Variants in DPEP1 observed in about 807,000 individuals in gnomAD.
DPEP1 encodes the protein beta-lactamase.
A neutral mutation model predicts 42.3 loss-of-function variants in DPEP1; 50 were observed. The ratio of observed to expected loss-of-function variants is 1.18; its 90% CI spans 0.94 to 1.50. The LOEUF (loss-of-function observed/expected upper bound fraction) is 1.50. DPEP1 is among the 40% of genes most tolerant of loss of function. DPEP1 has a pLI of 0.00. For synonymous variants in DPEP1, 297 were observed against 234.0 expected (o/e 1.27, Z -2.46); for missense variants, 663 against 553.0 (o/e 1.20, Z -1.99).
chr16:89,638,381 C>T lies in DPEP1; in HGVS notation c.*159C>T. 1 of 1,411,626 alleles carries T rather than the reference C, an allele frequency of 7.1e-7. No individual in the cohort carries two copies. The highest frequency in any genetic ancestry group is 1.6e-5 in the South Asian group (1 of 61,304). 87.4% of individuals were successfully genotyped at this position (1,411,626 alleles called of 1,614,324 possible). ...ACCTGGGGGGCAGGATGCCTGGGGA[C>T]AGTTCAGGACACACACACAGTAGGC... On this transcript the variant is annotated 3_prime_UTR_variant, in exon 11 of 11. Transcript: ENST00000690203.
chr16:89,634,086 T>G lies in DPEP1; in HGVS notation c.105-1822T>G, dbSNP rs560460096. ...ATTTCTATTTTTCTTTTCTCTTCTC[T>G]TCTTCTTTTTTTTTTTTTTTTGGAG... On this transcript the variant is annotated intron_variant, in intron 2 of 10. Transcript: ENST00000690203. Among the ~76,000 whole-genome samples, 686 of 106,562 alleles carry G rather than the reference T, an allele frequency of 6.4e-3. 8 individuals carry two copies. Among genetic ancestry groups the G allele is most frequent in the African/African-American group, 0.026 (667 of 25,680 alleles). The allele number at this position is 106,562 out of a possible 152,430, so 69.9% of individuals were successfully genotyped here. A position where few individuals can be genotyped will look rare whatever the true frequency, so the allele number is the denominator to read the frequency against.
chr16:89,636,154 C>T, intron 3 of DPEP1, 110 bp from the exon 4 acceptor site: 2 of 1,547,372 alleles, frequency 1.3e-6, no homozygotes, highest in Non-Finnish European at 1.7e-6. Flanking sequence ...CCTCGGTGCC[C>T]AGGCCGAGGG....
intron 1 of DPEP1, among the ~76,000 whole-genome samples, chr16:89,621,194 G>A (rs1794596451): frequency 6.6e-6 from 1 of 152,014 alleles, no homozygotes; most frequent in South Asian, 2.1e-4. Flanking sequence ...GGAGCCTGTT[G>A]GGAAGTCCCT....
intron 1 of DPEP1, among the ~76,000 whole-genome samples, chr16:89,614,194 G>A (rs1426194670): frequency 1.3e-5 from 2 of 152,064 alleles, no homozygotes; most frequent in African/African-American, 4.8e-5. Flanking sequence ...GGCCCTCCCC[G>A]TGGTCCCTAG....
At chr16:89,633,988 A>G (rs1010975594) in intron 2 of DPEP1, among the ~76,000 whole-genome samples, 2 of 151,868 alleles carry the variant, frequency 1.3e-5, no homozygotes, top group Non-Finnish European at 2.9e-5. Flanking sequence ...GCCCCTTCCC[A>G]TCCTCCTCAC....
At chr16:89,640,036 C>T (rs2059732254), downstream of DPEP1, among the ~76,000 whole-genome samples, 2 of 152,184 alleles carry the variant, frequency 1.3e-5, no homozygotes, top group South Asian at 2.1e-4. Flanking sequence ...GGCTCCCTCC[C>T]ACTGTGGGCA....
chr16:89,618,118 A>C (rs2059400362), intron 1 of DPEP1, among the ~76,000 whole-genome samples: 1 of 152,214 alleles, frequency 6.6e-6, no homozygotes, highest in Non-Finnish European at 1.5e-5. Flanking sequence ...ATTTATCTTC[A>C]TATTGTGTAA....
chr16:89,615,219 G>T (rs1027780504), intron 1 of DPEP1, among the ~76,000 whole-genome samples: 2 of 152,234 alleles, frequency 1.3e-5, no homozygotes, highest in African/African-American at 4.8e-5. Flanking sequence ...CCTGCTTGCA[G>T]CTTCAGGGGG....
At chr16:89,618,750 T>TC (rs2059406763) in intron 1 of DPEP1, among the ~76,000 whole-genome samples, 1 of 152,036 alleles carries the variant, frequency 6.6e-6, no homozygotes. Flanking sequence ...GCTGCACTGT[T>TC]CCCCGGGCAA....
chr16:89,628,247 C>CTTTT (rs1334855414), intron 1 of DPEP1, among the ~76,000 whole-genome samples: 1 of 84,572 alleles, frequency 1.2e-5, no homozygotes, highest in African/African-American at 5.6e-5. Context: ...TTCTTTCTTT[C>CTTTT]TTTTCTTTCT....
intron 1 of DPEP1, among the ~76,000 whole-genome samples, chr16:89,621,781 C>G (rs1388189337): frequency 2.6e-5 from 4 of 152,198 alleles, no homozygotes; most frequent in Non-Finnish European, 4.4e-5. Context: ...GTGGGAAAGT[C>G]TGCACATGTC....
intron 1 of DPEP1, among the ~76,000 whole-genome samples, chr16:89,615,196 G>A (rs1273412756): frequency 6.6e-6 from 1 of 152,218 alleles, no homozygotes; most frequent in Non-Finnish European, 1.5e-5. Flanking sequence ...CAGACGGGGA[G>A]GGTCCCTCAG....
intron 1 of DPEP1, among the ~76,000 whole-genome samples, chr16:89,627,959 T>G (rs1287963858): frequency 6.8e-6 from 1 of 147,814 alleles, no homozygotes; most frequent in Admixed American, 6.7e-5. Context: ...GTCTCGCTCT[T>G]TCGCCCAGGC....
At position 89,635,960 on chromosome 16, in the gene DPEP1, G is replaced by A. The variant is rs1321948860; in HGVS notation, c.157G>A (p.Asp53Asn). The change falls in exon 3 of 11, where the codon GAC (aspartate) becomes AAC (asparagine). Residue 53 changes from aspartate to asparagine, a missense_variant. Coordinates refer to ENST00000690203, the MANE Select transcript of DPEP1 (RefSeq NM_001389466.1). The stretch of plus-strand genomic sequence containing the variant: ...GGATATGTTCAACAACCGGCTGCAG[G>A]ACGAGAGGGCCAACCTGACCACCTT... ...LLDMFNNRLQDERANLTTLAG... is the reference protein window; with the variant it reads ...LLDMFNNRLQNERANLTTLAG... The A allele has an allele frequency of 6.2e-7, 1 of 1,612,206 alleles. No homozygotes were observed. The highest frequency in any genetic ancestry group is 8.5e-7 in the Non-Finnish European group (1 of 1,179,706).
At chr16:89,638,692 G>GCACACACACA (rs56372832), downstream of DPEP1, among the ~76,000 whole-genome samples, 1 of 71,710 alleles carries the variant, frequency 1.4e-5, no homozygotes, top group Non-Finnish European at 2.7e-5. Flanking sequence ...CCCCACCCCT[G>GCACACACACA]CACACACACA....
At chr16:89,638,501 G>A (rs143582902), downstream of DPEP1, 227 of 1,257,774 alleles carry the variant, frequency 1.8e-4, no homozygotes, top group Admixed American at 8.6e-4. Flanking sequence ...GCTCCTGGTT[G>A]GACGTGGGGC....
chr16:89,618,934 CT>C lies in DPEP1; in HGVS notation c.-107+5216del, dbSNP rs2059410107. 5.4e-4 allele frequency among the ~76,000 whole-genome samples: 64 copies of C among 118,176 alleles called. 5 individuals are homozygous for C. Among genetic ancestry groups the C allele is most frequent in the Middle Eastern group, 3.8e-3 (1 of 264 alleles). 77.5% of individuals were successfully genotyped at this position (118,176 alleles called of 152,430 possible). On this transcript the variant is annotated intron_variant, in intron 1 of 10. Transcript: ENST00000690203. ...TGCCCTCCCTGCTCCCTCCCTGCAG[CT>C]CCCTGCCCCCCTGCTCCCCTCCCTG... is the stretch of plus-strand genomic sequence containing the variant.
At chr16:89,615,218 A>C (rs942066685) in intron 1 of DPEP1, among the ~76,000 whole-genome samples, 1 of 152,174 alleles carries the variant, frequency 6.6e-6, no homozygotes, top group Non-Finnish European at 1.5e-5. Context: ...CCCTGCTTGC[A>C]GCTTCAGGGG....
At chr16:89,621,831 C>T (rs776662354) in intron 1 of DPEP1, among the ~76,000 whole-genome samples, 1 of 152,202 alleles carries the variant, frequency 6.6e-6, no homozygotes, top group Non-Finnish European at 1.5e-5. Context: ...TGTGGGCTTG[C>T]GATGCGCCCA....
Sources: allele counts gnomAD v4.1 joint callset (sites outside exome capture counted in the v4.1 genomes callset), GRCh38; gene constraint gnomAD v4.1.1; transcripts MANE v1.5; gene names NCBI Gene and HGNC (gene_info 2026-07-23, HGNC 2026-07-21).